ATP8B1: variants seen among roughly 807,000 people sequenced by gnomAD.
ATP8B1 encodes the protein phospholipid-transporting ATPase IC.
A neutral mutation model predicts 149.9 loss-of-function variants in ATP8B1; 80 were observed. That is an observed-to-expected ratio of 0.53 (90% CI 0.45 to 0.64). The LOEUF is 0.64. ATP8B1 is among the 30% of genes least tolerant of loss of function. ATP8B1 has a pLI of 0.00. For missense variants in ATP8B1, 1,247 were observed against 1,552.6 expected (o/e 0.80, Z 3.31); for synonymous variants, 536 against 562.8 (o/e 0.95, Z 0.67).
rs148657203 is a variant in ATP8B1 at position 57,694,563 on chromosome 18, T to G, written c.1029+19A>C. The G allele has an allele frequency of 3.2e-4, 468 of 1,442,942 alleles. 5 individuals are homozygous for G. In the African/African-American group the frequency reaches 5.7e-3, roughly 17 times the overall value. The allele number at this position is 1,442,942 out of a possible 1,614,324, so 89.4% of individuals were successfully genotyped here. On this transcript the variant is annotated intron_variant, in intron 11 of 27. Transcript: ENST00000648908. The stretch of plus-strand genomic sequence containing the variant: ...ACAGCAATCTAGATGAGAGATCTAC[T>G]GAGATGAAAAATAAATACCGTGTAA...
At chr18:57,662,289 C>A (rs1054750095) in intron 21 of ATP8B1, among the ~76,000 whole-genome samples, 194 bp downstream of exon 21, 3 of 152,158 alleles carry the variant, frequency 2.0e-5, no homozygotes, top group Admixed American at 1.3e-4. Context: ...ACCAAGATAA[C>A]CACTTTTACC....
intron 1 of ATP8B1, among the ~76,000 whole-genome samples, chr18:57,782,839 G>A (rs1292828841): frequency 1.0e-5 from 1 of 95,510 alleles, no homozygotes; most frequent in East Asian, 4.8e-4. Flanking sequence ...TTGAGACAGA[G>A]TCTCACTCTT....
At chr18:57,704,723 A>G in intron 3 of ATP8B1, 55 bp from the exon 4 acceptor site, 1 of 1,106,496 alleles carries the variant, frequency 9.0e-7, no homozygotes, top group Non-Finnish European at 1.4e-6. Context: ...CACAATGTAT[A>G]CACATCTGCA....
At chr18:57,687,607 CCATT>C (rs1333584584) in intron 13 of ATP8B1, among the ~76,000 whole-genome samples, 4 of 152,054 alleles carry the variant, frequency 2.6e-5, no homozygotes, top group African/African-American at 9.7e-5. Flanking sequence ...TTTTATTTAT[CCATT>C]CATCCATTGA....
chr18:57,662,933 T>C (rs191741484), intron 20 of ATP8B1, among the ~76,000 whole-genome samples: 1 of 152,258 alleles, frequency 6.6e-6, no homozygotes, highest in Non-Finnish European at 1.5e-5. Context: ...TTTGTATTTT[T>C]TGTAGCAATA....
intron 1 of ATP8B1, among the ~76,000 whole-genome samples, chr18:57,792,816 G>A (rs1465174712): frequency 1.3e-5 from 2 of 152,122 alleles, no homozygotes; most frequent in East Asian, 1.9e-4. Flanking sequence ...GGGAGTGGCT[G>A]GAAAAAGCTT....
intron 21 of ATP8B1, among the ~76,000 whole-genome samples, chr18:57,661,900 A>C (rs1351417922): frequency 6.6e-6 from 1 of 151,630 alleles, no homozygotes; most frequent in Non-Finnish European, 1.5e-5. Flanking sequence ...TTTGTATTTT[A>C]GTAGAGACGG....
chr18:57,730,816 TATATATATATATATATATACACACAC>T (rs940746784), intron 2 of ATP8B1, among the ~76,000 whole-genome samples: 18 of 1,132 alleles, frequency 0.016, no homozygotes, highest in African/African-American at 0.021. Flanking sequence ...TATATATATA[TATATATATATATATATATACACACAC>T]ACACACACAC....
At chr18:57,741,415 C>T (rs2079912714) in intron 1 of ATP8B1, among the ~76,000 whole-genome samples, 3 of 152,214 alleles carry the variant, frequency 2.0e-5, no homozygotes, top group Admixed American at 6.5e-5. Flanking sequence ...CATTGACCAA[C>T]AGCCAGCAGG....
intron 1 of ATP8B1, among the ~76,000 whole-genome samples, chr18:57,746,203 T>C (rs1202528782): frequency 1.3e-5 from 2 of 152,202 alleles, no homozygotes; most frequent in Non-Finnish European, 2.9e-5. Context: ...TAATAATAGC[T>C]ATCCACTCCC....
At chr18:57,682,302 C>A (rs1434108429) in intron 15 of ATP8B1, among the ~76,000 whole-genome samples, 1 of 152,186 alleles carries the variant, frequency 6.6e-6, no homozygotes, top group Non-Finnish European at 1.5e-5. Context: ...CCGCGCCCAG[C>A]CCTGCTGGAA....
chr18:57,764,577 C>G (rs1235445892), intron 1 of ATP8B1, among the ~76,000 whole-genome samples: 1 of 151,590 alleles, frequency 6.6e-6, no homozygotes, highest in African/African-American at 2.4e-5. Context: ...TGCCACCACA[C>G]CCGGCTAATT....
chr18:57,706,454 T>C (rs1394080267), intron 3 of ATP8B1, 36 bp downstream of exon 3: 2 of 1,587,952 alleles, frequency 1.3e-6, no homozygotes, highest in Non-Finnish European at 1.7e-6. Flanking sequence ...AAAAACTGCA[T>C]TTTAATGAAA....
intron 1 of ATP8B1, among the ~76,000 whole-genome samples, chr18:57,770,326 C>T (rs189927754): frequency 1.4e-4 from 21 of 152,308 alleles, no homozygotes; most frequent in Admixed American, 8.5e-4. Context: ...CAATGGGAAC[C>T]GCAGTCCAAT....
At chr18:57,729,443 G>C (rs2079738429) in intron 2 of ATP8B1, among the ~76,000 whole-genome samples, 1 of 152,044 alleles carries the variant, frequency 6.6e-6, no homozygotes, top group African/African-American at 2.4e-5. Context: ...CTTGTAACTT[G>C]TCTGGCTGCT....
At chr18:57,680,498 T>A (rs1176067996) in intron 15 of ATP8B1, among the ~76,000 whole-genome samples, 1 of 150,668 alleles carries the variant, frequency 6.6e-6, no homozygotes, top group Non-Finnish European at 1.5e-5. Context: ...GCAGGAGAAT[T>A]GATTAAACCC....
rs138915383 is a variant in ATP8B1, at chr18:57,691,989, A to G, written c.1038T>C (p.Val346=). 5 of 1,612,986 alleles carry G rather than the reference A, an allele frequency of 3.1e-6. No individual in the cohort carries two copies. In the African/African-American group the frequency reaches 6.7e-5, roughly 22 times the overall value. Residue 346 remains valine, a synonymous_variant, in exon 12 of 28, where the codon GTT becomes GTC. Coordinates refer to ENST00000648908, the MANE Select transcript of ATP8B1 (RefSeq NM_001374385.1). ...LMNYMVYTIF[V]VLILLSAGLA... is the part of the protein sequence containing the mutation. ...GACCAGCAGAAAGCAGAATAAGAAC[A>G]ACAAAGATCTAGAAGACAGAAAACA...
At chr18:57,688,210 T>A (rs1912351909) in intron 13 of ATP8B1, 89 bp downstream of exon 13, 1 of 1,409,850 alleles carries the variant, frequency 7.1e-7, no homozygotes, top group African/African-American at 1.4e-5. Context: ...GCACCAGCAA[T>A]GCCAGGAGAC....
intron 2 of ATP8B1, among the ~76,000 whole-genome samples, chr18:57,727,870 G>A (rs1360714319): frequency 6.6e-6 from 1 of 152,122 alleles, no homozygotes; most frequent in Non-Finnish European, 1.5e-5. Flanking sequence ...TGAGAAGTGT[G>A]TTCATCAGGA....
Sources: allele counts gnomAD v4.1 joint callset (sites outside exome capture counted in the v4.1 genomes callset), GRCh38; gene constraint gnomAD v4.1.1; transcripts MANE v1.5; gene names NCBI Gene and HGNC (gene_info 2026-07-23, HGNC 2026-07-21).